Variants in HNRNPC observed in about 807,000 individuals in gnomAD.
HNRNPC encodes heterogeneous nuclear ribonucleoprotein C, also known as heterogeneous nuclear ribonucleoproteins C1/C2.
In HNRNPC, 3 loss-of-function variants were observed where a neutral mutation model predicts 33.2. The ratio of observed to expected loss-of-function variants is 0.09; its 90% CI spans 0.04 to 0.23. HNRNPC has a LOEUF of 0.23. HNRNPC is among the 10% of genes least tolerant of loss of function. HNRNPC has a pLI of 1.00. For missense variants in HNRNPC, 143 were observed against 366.7 expected, an observed-to-expected ratio of 0.39 and a Z score of 4.98; for synonymous variants, 121 against 126.7, an observed-to-expected ratio of 0.96 and a Z score of 0.30.
chr14:21,253,154 C>A lies in HNRNPC; in HGVS notation c.-37+10157G>T, dbSNP rs184069958. ...GCACCACTGCACTCCAGCCTGGCAACAGAGCAAGACTCTGTCTTTAAAAAA... is the reference window on the plus strand; with the variant it reads ...GCACCACTGCACTCCAGCCTGGCAAAAGAGCAAGACTCTGTCTTTAAAAAA... On this transcript the variant is annotated intron_variant, in intron 2 of 8. Coordinates refer to ENST00000553300, the MANE Select transcript of HNRNPC (RefSeq NM_004500.4). Among the ~76,000 whole-genome samples the A allele has an allele frequency of 1.4e-3, 187 of 135,952 alleles. 4 individuals carry two copies. The East Asian group carries it at 0.016, about 11-fold the overall frequency. 89.2% of individuals were successfully genotyped at this position (135,952 alleles called of 152,430 possible).
At chr14:21,220,177 G>GC (rs1489085803) in intron 5 of HNRNPC, among the ~76,000 whole-genome samples, 2 of 151,214 alleles carry the variant, frequency 1.3e-5, no homozygotes, top group Non-Finnish European at 2.9e-5. Context: ...AAGACATTAT[G>GC]CCTTATGCGT....
chr14:21,262,667 C>G (rs1878431632), intron 2 of HNRNPC: 1 of 152,374 alleles, frequency 6.6e-6, no homozygotes, highest in South Asian at 2.1e-4. Context: ...CTGGCTGCTG[C>G]TGCTCCAGGC....
At chr14:21,253,823 T>C (rs948244675) in intron 2 of HNRNPC, among the ~76,000 whole-genome samples, 2 of 152,042 alleles carry the variant, frequency 1.3e-5, no homozygotes, top group Admixed American at 6.6e-5. Flanking sequence ...CCCAGCACTT[T>C]GGGAGGCTAA....
At chr14:21,267,544 A>AG (rs201534198) in intron 1 of HNRNPC, among the ~76,000 whole-genome samples, 1 of 146,682 alleles carries the variant, frequency 6.8e-6, no homozygotes, top group African/African-American at 2.5e-5. Flanking sequence ...CACTAGCATG[A>AG]GGGGGAAAAA....
intron 2 of HNRNPC, among the ~76,000 whole-genome samples, chr14:21,236,902 C>T (rs747009819): frequency 2.0e-4 from 31 of 152,006 alleles, no homozygotes; most frequent in Admixed American, 1.2e-3. Flanking sequence ...AAATGCAAGG[C>T]AGTAAAGGCA....
intron 1 of HNRNPC, among the ~76,000 whole-genome samples, chr14:21,268,123 A>T (rs1879320205): frequency 6.6e-6 from 1 of 152,184 alleles, no homozygotes; most frequent in Non-Finnish European, 1.5e-5. Context: ...TGTGAGGATT[A>T]AAAAAAGCGA....
chr14:21,231,854 C>A (rs558706813), intron 3 of HNRNPC, among the ~76,000 whole-genome samples: 1 of 151,994 alleles, frequency 6.6e-6, no homozygotes, highest in Non-Finnish European at 1.5e-5. Context: ...CAGCTCATTC[C>A]GAATTATTAC....
At chr14:21,244,730 G>A (rs1390064471) in intron 2 of HNRNPC, among the ~76,000 whole-genome samples, 1 of 152,168 alleles carries the variant, frequency 6.6e-6, no homozygotes, top group South Asian at 2.1e-4. Context: ...TACCAAGCTA[G>A]ATAGTGTAGC....
chr14:21,252,353 C>T (rs1189073441), intron 2 of HNRNPC, among the ~76,000 whole-genome samples: 1 of 152,198 alleles, frequency 6.6e-6, no homozygotes, highest in African/African-American at 2.4e-5. Context: ...CAATATCACC[C>T]AGGCTGGAGT....
intron 5 of HNRNPC, among the ~76,000 whole-genome samples, chr14:21,219,067 A>G (rs1000646222): frequency 7.4e-5 from 11 of 148,910 alleles, no homozygotes; most frequent in Non-Finnish European, 1.2e-4. Flanking sequence ...CCAAGACCGC[A>G]CCACTGCACT....
intron 1 of HNRNPC, among the ~76,000 whole-genome samples, chr14:21,267,242 T>G (rs1363202056): frequency 6.6e-6 from 1 of 152,158 alleles, no homozygotes; most frequent in African/African-American, 2.4e-5. Flanking sequence ...TAAGTCCCCT[T>G]ATTTGCCTAA....
At chr14:21,268,030 G>T (rs890027875) in intron 1 of HNRNPC, among the ~76,000 whole-genome samples, 14 of 152,010 alleles carry the variant, frequency 9.2e-5, no homozygotes, top group Non-Finnish European at 4.4e-5. Flanking sequence ...TTCTTACCCT[G>T]CAGAATGGGT....
At position 21,226,340 on chromosome 14, in the gene HNRNPC, A is replaced by G. The variant is rs566343331; in HGVS notation, c.365+3979T>C. Among the ~76,000 whole-genome samples the G allele has an allele frequency of 7.2e-5, 11 of 151,776 alleles. No homozygotes were observed. The South Asian group carries it at 2.3e-3, about 31-fold the overall frequency. Reference sequence around the variant, plus strand: ...TCGTTTCCAAAAGAAAAAAAAAAAAAAAAAAGAAAGAAAGAATAGTACCAG... The same window carrying G: ...TCGTTTCCAAAAGAAAAAAAAAAAAGAAAAAGAAAGAAAGAATAGTACCAG... On this transcript the variant is annotated intron_variant, in intron 5 of 8. Coordinates refer to ENST00000553300, the MANE Select transcript of HNRNPC (RefSeq NM_004500.4).
rs1891400809 is a variant in HNRNPC, at chr14:21,209,365, A to G, written c.*1858T>C. 6.6e-6 allele frequency: 1 copy of G among 152,320 alleles called. No individual in the cohort carries two copies. The highest frequency in any genetic ancestry group is 2.1e-4 in the South Asian group (1 of 4,826). The allele number at this position is 152,320 out of a possible 1,614,324, so 9.4% of individuals were successfully genotyped here. On this transcript the variant is annotated 3_prime_UTR_variant, in exon 9 of 9. Transcript: ENST00000553300. ...TGGACTAATTTGTTCAGTATTTCCC[A>G]AAAACTTACAGCTAACAATAATATT...
At chr14:21,243,564 TAAC>T (rs1465526837) in intron 2 of HNRNPC, among the ~76,000 whole-genome samples, 3 of 152,250 alleles carry the variant, frequency 2.0e-5, no homozygotes, top group Non-Finnish European at 4.4e-5. Flanking sequence ...TCTGCTTATG[TAAC>T]AATGATCATG....
intron 2 of HNRNPC, among the ~76,000 whole-genome samples, chr14:21,255,302 A>G (rs1340103967): frequency 6.6e-6 from 1 of 152,204 alleles, no homozygotes; most frequent in Non-Finnish European, 1.5e-5. Context: ...TATAATTAGA[A>G]AACAGGAAGA....
chr14:21,245,412 G>A (rs144481314), intron 2 of HNRNPC, among the ~76,000 whole-genome samples: 71 of 152,194 alleles, frequency 4.7e-4, no homozygotes, highest in East Asian at 2.3e-3. Flanking sequence ...AGGAGAAATC[G>A]CTTGAACCCG....
At chr14:21,225,600 C>T (rs1034828068) in intron 5 of HNRNPC, among the ~76,000 whole-genome samples, 2 of 152,052 alleles carry the variant, frequency 1.3e-5, no homozygotes, top group African/African-American at 4.8e-5. Flanking sequence ...AGGCTGGTAG[C>T]ACCAGACGGG....
At chr14:21,229,104 A>C (rs1262852997) in intron 5 of HNRNPC, among the ~76,000 whole-genome samples, 1 of 146,642 alleles carries the variant, frequency 6.8e-6, no homozygotes, top group Non-Finnish European at 1.5e-5. Flanking sequence ...AAAAAAAAAA[A>C]ATCAGGCCAG....
Sources: gnomAD v4.1 joint callset for allele counts (sites outside exome capture counted in the v4.1 genomes callset) on GRCh38, gnomAD v4.1.1 for gene constraint, MANE v1.5 for transcripts, NCBI Gene and HGNC (gene_info 2026-07-23, HGNC 2026-07-21) for gene names.